Variants in ATP2B2 observed in about 807,000 individuals in gnomAD.
ATP2B2 encodes ATPase plasma membrane Ca2+ transporting 2.
In ATP2B2, 15 loss-of-function variants were observed where a neutral mutation model predicts 120.0. The ratio of observed to expected loss-of-function variants is 0.12; its 90% CI spans 0.08 to 0.19. ATP2B2 has a LOEUF of 0.19. ATP2B2 is among the 10% of genes least tolerant of loss of function. The pLI, the probability that ATP2B2 is intolerant of heterozygous loss-of-function variation, is 1.00. For missense variants in ATP2B2, 1,045 were observed against 1,719.8 expected, an observed-to-expected ratio of 0.61 and a Z score of 6.94; for synonymous variants, 694 against 700.3, an observed-to-expected ratio of 0.99 and a Z score of 0.14.
At chr3:10,455,526 C>T (rs1331342946) in intron 1 of ATP2B2, among the ~76,000 whole-genome samples, 2 of 152,270 alleles carry the variant, frequency 1.3e-5, no homozygotes, top group Non-Finnish European at 2.9e-5. Context: ...GAGCCAGCTC[C>T]TGGCCCAGAG....
In ATP2B2 at chr3:10,338,283, G is replaced by C; in HGVS notation, c.3313C>G (p.Pro1105Ala). 1 of 1,614,162 alleles carries C rather than the reference G, an allele frequency of 6.2e-7. No homozygotes were observed. The highest frequency in any genetic ancestry group is 1.1e-5 in the South Asian group (1 of 91,086). Residue 1105 changes from proline (P) to alanine (A), a missense_variant, in exon 22 of 23, where the codon CCG becomes GCG. Physicochemically the swap from Pro to Ala is conservative, Grantham distance 27 (BLOSUM62 -1). Transcript: ENST00000360273. ...ACGTCCTCGTTGAGCTCCTCCTCCG[G>C]GATCTCCTCCTTCTGTGTGAGCCTG... ...AGRLTQKEEI[P>A]EEELNEDVEE... is the part of the protein sequence containing the mutation.
chr3:10,520,359 A>G (rs750839721), intron 3 of ATP2B2, among the ~76,000 whole-genome samples: 4 of 152,206 alleles, frequency 2.6e-5, no homozygotes, highest in African/African-American at 7.2e-5. Context: ...GCGAGGTAAT[A>G]GTGGAGGCTG....
chr3:10,636,819 G>T (rs2070035309), intron 1 of ATP2B2, among the ~76,000 whole-genome samples: 1 of 152,170 alleles, frequency 6.6e-6, no homozygotes, highest in African/African-American at 2.4e-5. Flanking sequence ...CAGAGCATCA[G>T]AGGGGAAAGA....
chr3:10,541,101 G>A (rs529111395), intron 2 of ATP2B2, among the ~76,000 whole-genome samples: 26 of 152,012 alleles, frequency 1.7e-4, no homozygotes, highest in South Asian at 4.2e-4. Flanking sequence ...GGTCTGTAGC[G>A]TTATTCTTTG....
chr3:10,359,041 C>T (rs1235353657), intron 13 of ATP2B2, 116 bp from the exon 14 acceptor site: 11 of 961,216 alleles, frequency 1.1e-5, no homozygotes, highest in Non-Finnish European at 1.6e-5. Context: ...ATCCAGTGCC[C>T]ATCTAGTTCA....
intron 2 of ATP2B2, among the ~76,000 whole-genome samples, chr3:10,434,010 T>A (rs1341637324): frequency 6.6e-6 from 1 of 152,102 alleles, no homozygotes; most frequent in African/African-American, 2.4e-5. Context: ...AGTTACCCAA[T>A]AAATTGTTCT....
chr3:10,353,008 G>GA (rs1361569980), intron 14 of ATP2B2, among the ~76,000 whole-genome samples: 2 of 152,232 alleles, frequency 1.3e-5, no homozygotes, highest in Non-Finnish European at 2.9e-5. Context: ...GGGCTGGTCA[G>GA]CCTCTGCTTG....
chr3:10,476,055 T>C (rs2065190225), intron 1 of ATP2B2, among the ~76,000 whole-genome samples: 1 of 152,192 alleles, frequency 6.6e-6, no homozygotes, highest in Admixed American at 6.5e-5. Flanking sequence ...ATAGGTCCAG[T>C]TACTCCTTTA....
At chr3:10,503,417 C>A (rs562419280) in intron 1 of ATP2B2, among the ~76,000 whole-genome samples, 16 of 152,348 alleles carry the variant, frequency 1.1e-4, no homozygotes, top group African/African-American at 3.8e-4. Flanking sequence ...CCAAGATGGC[C>A]TTGCTGAGTC....
intron 2 of ATP2B2, among the ~76,000 whole-genome samples, chr3:10,558,186 C>T (rs1007010912): frequency 6.6e-6 from 1 of 152,154 alleles, no homozygotes; most frequent in African/African-American, 2.4e-5. Flanking sequence ...ATGCTCAACC[C>T]CCCAGCACCC....
At chr3:10,506,290 G>T (rs1258224584), upstream of ATP2B2, among the ~76,000 whole-genome samples, 1 of 152,154 alleles carries the variant, frequency 6.6e-6, no homozygotes, top group Non-Finnish European at 1.5e-5. Flanking sequence ...TCGGGGGGGT[G>T]TGGTGGTGGG....
At chr3:10,338,837 C>G (rs541524435) in intron 21 of ATP2B2, 8 of 208,206 alleles carry the variant, frequency 3.8e-5, no homozygotes, top group African/African-American at 1.9e-4. Context: ...GGCTGGCCCT[C>G]GGTTCTCCTG....
At chr3:10,511,775 C>T (rs761059896) in intron 3 of ATP2B2, among the ~76,000 whole-genome samples, 5 of 152,178 alleles carry the variant, frequency 3.3e-5, no homozygotes, top group African/African-American at 7.2e-5. Flanking sequence ...CCTGACACTC[C>T]GCCATTCGTA....
At chr3:10,391,829 T>C (rs1298206847) in intron 5 of ATP2B2, among the ~76,000 whole-genome samples, 1 of 152,208 alleles carries the variant, frequency 6.6e-6, no homozygotes, top group Non-Finnish European at 1.5e-5. Flanking sequence ...ACTCAGTCAG[T>C]GTCCCCTGGA....
intron 1 of ATP2B2, among the ~76,000 whole-genome samples, chr3:10,627,594 C>T (rs1292903902): frequency 2.0e-5 from 3 of 152,176 alleles, no homozygotes; most frequent in Admixed American, 6.5e-5. Context: ...AATGACCTCT[C>T]CCCCTCGCTG....
Position 10,347,385 on chromosome 3 carries a change from G to A in ATP2B2, c.2405-1248C>T, listed in dbSNP as rs1354877602. ...CCTGCCTGCCCTTAATCAGATCCAT[G>A]TAACTCTATGTGCTGCTCCATCCTT... On this transcript the variant is annotated intron_variant, in intron 16 of 22. Coordinates refer to ENST00000360273, the MANE Select transcript of ATP2B2 (RefSeq NM_001001331.4). The surrounding 1 kb of genome is among the most constrained non-coding windows in gnomAD (Gnocchi z 5.2). 1.3e-5 allele frequency among the ~76,000 whole-genome samples: 2 copies of A among 152,200 alleles called. No homozygotes were observed. The highest frequency in any genetic ancestry group is 2.4e-5 in the African/African-American group (1 of 41,446).
intron 1 of ATP2B2, among the ~76,000 whole-genome samples, chr3:10,495,302 C>T (rs1424881246): frequency 1.3e-5 from 2 of 152,164 alleles, no homozygotes; most frequent in Admixed American, 6.5e-5. Context: ...TTGGACTCTA[C>T]TCTGCAACCT....
chr3:10,520,033 C>A (rs6793418), intron 3 of ATP2B2, among the ~76,000 whole-genome samples: 25,942 of 152,086 alleles, frequency 0.17, 3,191 homozygotes, highest in East Asian at 0.37. Context: ...CAGGTCCCCA[C>A]CCTGATCCCT....
intron 1 of ATP2B2, among the ~76,000 whole-genome samples, chr3:10,651,297 A>G (rs2342147): frequency 0.81 from 123,460 of 152,190 alleles, 50,701 homozygotes; most frequent in African/African-American, 0.95. Context: ...ATTTCATATC[A>G]AATTTCCATG....
Sources: allele counts gnomAD v4.1 joint callset (sites outside exome capture counted in the v4.1 genomes callset), GRCh38; gene constraint gnomAD v4.1.1; non-coding constraint Gnocchi (gnomAD v3.1); transcripts MANE v1.5; gene names NCBI Gene and HGNC (gene_info 2026-07-23, HGNC 2026-07-21).